Variants in ANKS1B observed in about 807,000 individuals in gnomAD.
ANKS1B encodes ankyrin repeat and sterile alpha motif domain-containing protein 1B.
A neutral mutation model predicts 148.3 loss-of-function variants in ANKS1B; 36 were observed. The ratio of observed to expected loss-of-function variants is 0.24; its 90% CI spans 0.19 to 0.32. The LOEUF is 0.32. Among genes scored for constraint, ANKS1B ranks in the 10% least tolerant of loss-of-function variants. The pLI is 1.00. For synonymous variants in ANKS1B, 542 were observed against 560.8 expected (o/e 0.97, Z 0.47); for missense variants, 1,157 against 1,542.6 (o/e 0.75, Z 4.19).
At chr12:99,433,389 T>C (rs1363790505) in intron 11 of ANKS1B, among the ~76,000 whole-genome samples, 1 of 152,172 alleles carries the variant, frequency 6.6e-6, no homozygotes, top group African/African-American at 2.4e-5. Context: ...TTAGAACTCA[T>C]GTACAAATAA....
At chr12:99,846,301 T>C (rs1420150017) in intron 1 of ANKS1B, among the ~76,000 whole-genome samples, 1 of 152,124 alleles carries the variant, frequency 6.6e-6, no homozygotes, top group Non-Finnish European at 1.5e-5. Context: ...CTCTGTTTTC[T>C]TGATCAAGCG....
intron 17 of ANKS1B, among the ~76,000 whole-genome samples, chr12:98,837,531 T>TA (rs1000347188): frequency 1.3e-5 from 2 of 152,102 alleles, no homozygotes; most frequent in Admixed American, 1.3e-4. Context: ...CAGTATCACT[T>TA]AAACAGGATA....
intron 12 of ANKS1B, among the ~76,000 whole-genome samples, chr12:99,350,651 T>C (rs1384141302): frequency 1.3e-5 from 2 of 152,092 alleles, no homozygotes; most frequent in Non-Finnish European, 2.9e-5. Flanking sequence ...AAGGTACTGC[T>C]TTTTAAATGA....
At chr12:99,646,950 G>T (rs1330455449) in intron 9 of ANKS1B, among the ~76,000 whole-genome samples, 1 of 150,660 alleles carries the variant, frequency 6.6e-6, no homozygotes, top group Non-Finnish European at 1.5e-5. Flanking sequence ...CAGTTTGAGG[G>T]TGAGTCAAAA....
intron 8 of ANKS1B, among the ~76,000 whole-genome samples, chr12:99,720,849 G>A (rs1451765772): frequency 2.0e-5 from 3 of 152,024 alleles, no homozygotes; most frequent in Non-Finnish European, 4.4e-5. Flanking sequence ...TACACTGCCG[G>A]TTTACACTGT....
chr12:99,428,034 T>A (rs912163553), intron 11 of ANKS1B, among the ~76,000 whole-genome samples: 1 of 152,154 alleles, frequency 6.6e-6, no homozygotes, highest in African/African-American at 2.4e-5. Flanking sequence ...GAGGTTGTCA[T>A]GAAGGTAGGA....
At chr12:99,647,264 G>A (rs1216579193) in intron 9 of ANKS1B, among the ~76,000 whole-genome samples, 8 of 152,024 alleles carry the variant, frequency 5.3e-5, no homozygotes, top group South Asian at 4.1e-4. Flanking sequence ...GGAAAACTAC[G>A]TAATCATTTT....
chr12:99,639,892 C>T (rs2098283641), intron 9 of ANKS1B, among the ~76,000 whole-genome samples: 2 of 152,280 alleles, frequency 1.3e-5, no homozygotes, highest in South Asian at 4.1e-4. Flanking sequence ...GTCAGATAGG[C>T]TGGGCATGGT....
At chr12:98,922,138 T>C (rs181273473) in intron 17 of ANKS1B, among the ~76,000 whole-genome samples, 1 of 152,332 alleles carries the variant, frequency 6.6e-6, no homozygotes, top group East Asian at 1.9e-4. Flanking sequence ...GAGAACTGTA[T>C]TTTTCATTAT....
chr12:99,038,887 G>T (rs909737815), intron 17 of ANKS1B, among the ~76,000 whole-genome samples: 2 of 152,224 alleles, frequency 1.3e-5, no homozygotes, highest in Admixed American at 1.3e-4. Context: ...TCTGGTCACT[G>T]TCTATCCTCT....
chr12:99,455,313 G>A (rs950983063), intron 10 of ANKS1B, among the ~76,000 whole-genome samples: 2 of 152,302 alleles, frequency 1.3e-5, no homozygotes, highest in Middle Eastern at 3.4e-3. Context: ...GAAAAAGGTG[G>A]ATAGGAGGCA....
intron 15 of ANKS1B, among the ~76,000 whole-genome samples, chr12:99,105,630 G>C (rs565870897): frequency 1.3e-5 from 2 of 151,482 alleles, no homozygotes; most frequent in Admixed American, 6.6e-5. Context: ...TTAGCCAGGC[G>C]TTGTGGCGGG....
At chr12:99,653,821 A>G (rs1450053702) in intron 9 of ANKS1B, among the ~76,000 whole-genome samples, 1 of 151,310 alleles carries the variant, frequency 6.6e-6, no homozygotes, top group East Asian at 1.9e-4. Context: ...GTACTACCAC[A>G]CCTGGCTTAT....
chr12:99,262,387 A>T (rs1350552826), intron 12 of ANKS1B, among the ~76,000 whole-genome samples: 1 of 152,118 alleles, frequency 6.6e-6, no homozygotes, highest in Non-Finnish European at 1.5e-5. Context: ...GGGGTGAAAT[A>T]AATATATAGA....
At chr12:99,514,562 A>G (rs2096797159) in intron 9 of ANKS1B, among the ~76,000 whole-genome samples, 1 of 152,072 alleles carries the variant, frequency 6.6e-6, no homozygotes. Flanking sequence ...CGCCATCCAG[A>G]AACTAGGACT....
Position 99,495,342 on chromosome 12 carries a change from A to AGTGTGTGTGTGTGTGTGT in ANKS1B, c.1438+9116_1438+9133dup, listed in dbSNP as rs56107230. Among the ~76,000 whole-genome samples the AGTGTGTGTGTGTGTGTGT allele has an allele frequency of 6.0e-3, 874 of 145,382 alleles. 7 individuals are homozygous for AGTGTGTGTGTGTGTGTGT. The highest frequency in any genetic ancestry group is 0.021 in the African/African-American group (829 of 39,226). On this transcript the variant is annotated intron_variant, in intron 10 of 26. Coordinates refer to ENST00000683438, the MANE Select transcript of ANKS1B (RefSeq NM_001352186.2). ...ACAAAATTGATTTCAGGGGAGAAAA[A>AGTGTGTGTGTGTGTGTGT]GTGTGTGTGTGTGTGTGTGTGTGTG...
At chr12:99,544,019 G>A (rs2097150806) in intron 9 of ANKS1B, among the ~76,000 whole-genome samples, 2 of 152,032 alleles carry the variant, frequency 1.3e-5, no homozygotes, top group Admixed American at 6.6e-5. Context: ...TGAAGATTCT[G>A]CCACTATGTT....
chr12:99,579,957 C>G (rs2097554911), intron 9 of ANKS1B, among the ~76,000 whole-genome samples: 1 of 152,106 alleles, frequency 6.6e-6, no homozygotes, highest in South Asian at 2.1e-4. Flanking sequence ...CCTAAATGCC[C>G]ATCAATGGAG....
intron 17 of ANKS1B, among the ~76,000 whole-genome samples, chr12:99,038,812 T>A (rs1180301113): frequency 1.3e-5 from 2 of 152,230 alleles, no homozygotes; most frequent in Non-Finnish European, 2.9e-5. Flanking sequence ...TTCCCACACT[T>A]GGTTCAGATC....
Sources: gnomAD v4.1 joint callset for allele counts (sites outside exome capture counted in the v4.1 genomes callset) on GRCh38, gnomAD v4.1.1 for gene constraint, MANE v1.5 for transcripts, NCBI Gene and HGNC (gene_info 2026-07-23, HGNC 2026-07-21) for gene names.